ADGB: variants seen among roughly 807,000 people sequenced by gnomAD.
The protein encoded by ADGB is androglobin.
ADGB carries 172 observed loss-of-function variants against 210.5 expected under a neutral mutation model. The observed-to-expected ratio is 0.82, with a 90% CI of 0.72 to 0.93. ADGB has a LOEUF of 0.93. Among genes scored for constraint, ADGB ranks in the 40% least tolerant of loss-of-function variants. The probability of loss-of-function intolerance (pLI) is 0.00; values close to 1 mark genes in which losing one functional copy is unlikely to be tolerated. For synonymous variants in ADGB, 658 were observed against 662.7 expected (o/e 0.99, Z 0.11); for missense variants, 2,025 against 1,964.8 (o/e 1.03, Z -0.58).
At chr6:146,699,085 G>A (rs1776451096) in intron 12 of ADGB, among the ~76,000 whole-genome samples, 1 of 152,074 alleles carries the variant, frequency 6.6e-6, no homozygotes, top group African/African-American at 2.4e-5. Flanking sequence ...TTTAGTCAGG[G>A]TTCTCCAGAG....
At chr6:146,681,359 G>GCCT (rs1292566221) in intron 9 of ADGB, among the ~76,000 whole-genome samples, 1 of 151,992 alleles carries the variant, frequency 6.6e-6, no homozygotes, top group Non-Finnish European at 1.5e-5. Flanking sequence ...GCCCCCTGAG[G>GCCT]CCTCCCCAGA....
At chr6:146,709,724 G>A (rs1233141319) in intron 13 of ADGB, among the ~76,000 whole-genome samples, 1 of 152,142 alleles carries the variant, frequency 6.6e-6, no homozygotes, top group Non-Finnish European at 1.5e-5. Flanking sequence ...CCTGTGTTTA[G>A]GACCAAGGCA....
At chr6:146,638,810 T>C (rs1006784225) in intron 2 of ADGB, 6 of 150,498 alleles carry the variant, frequency 4.0e-5, no homozygotes, top group Non-Finnish European at 8.8e-5. Context: ...ATAATCTTAA[T>C]GTAACAGAAA....
At chr6:146,738,947 T>A (rs1777121940) in intron 23 of ADGB, among the ~76,000 whole-genome samples, 2 of 152,174 alleles carry the variant, frequency 1.3e-5, no homozygotes, top group Admixed American at 1.3e-4. Context: ...TCGTATCAGA[T>A]AAAAATCTGA....
rs760329401 is a variant in ADGB at position 146,803,745 on chromosome 6, C to T, written c.4818+1734C>T. On this transcript the variant is annotated intron_variant, in intron 35 of 35. Transcript: ENST00000397944. Reference sequence around the variant, plus strand: ...GTACCGGCGCCTCATGGTACCGCGGCGCCTCAGCCCAGCCTCCGCGCTGAC... The same window carrying T: ...GTACCGGCGCCTCATGGTACCGCGGTGCCTCAGCCCAGCCTCCGCGCTGAC... The T allele has an allele frequency of 7.5e-5, 59 of 784,486 alleles. 1 individual carries two copies. The highest frequency in any genetic ancestry group is 1.1e-4 in the Non-Finnish European group (52 of 484,310). 48.6% of individuals were successfully genotyped at this position (784,486 alleles called of 1,614,324 possible).
chr6:146,623,573 AT>A (rs1298503712), intron 1 of ADGB, among the ~76,000 whole-genome samples: 2 of 151,864 alleles, frequency 1.3e-5, no homozygotes, highest in Non-Finnish European at 1.5e-5. Flanking sequence ...CTCACTTATC[AT>A]TTATGAAAGT....
intron 2 of ADGB, among the ~76,000 whole-genome samples, chr6:146,642,562 G>A (rs1026621156): frequency 3.3e-5 from 5 of 151,898 alleles, no homozygotes; most frequent in Non-Finnish European, 7.4e-5. Context: ...CATGTGGTAC[G>A]TATATACTAT....
At chr6:146,638,701 A>G (rs1775463697) in intron 2 of ADGB, 1 of 151,660 alleles carries the variant, frequency 6.6e-6, no homozygotes, top group African/African-American at 2.4e-5. Flanking sequence ...ACATGTATAC[A>G]TATGTAACTA....
chr6:146,773,287 A>G (rs966199665), intron 29 of ADGB, among the ~76,000 whole-genome samples: 1 of 152,158 alleles, frequency 6.6e-6, no homozygotes, highest in Admixed American at 6.5e-5. Context: ...TAGAGAAAAA[A>G]AAAAGATCGT....
chr6:146,725,859 C>T, intron 18 of ADGB: 1 of 395,402 alleles, frequency 2.5e-6, no homozygotes, highest in East Asian at 3.8e-5. Flanking sequence ...GGTATTTAGC[C>T]TAACTATTTT....
intron 35 of ADGB, among the ~76,000 whole-genome samples, chr6:146,811,982 T>A (rs561113690): frequency 0.03 from 4,627 of 152,238 alleles, 226 homozygotes; most frequent in African/African-American, 0.11. Context: ...CCTGCTGTGT[T>A]TTTTAAACTA....
At chr6:146,658,453 A>G (rs1572902) in intron 5 of ADGB, among the ~76,000 whole-genome samples, 121,667 of 151,908 alleles carry the variant, frequency 0.8, 48,869 homozygotes, top group African/African-American at 0.86. Flanking sequence ...AAGCGAGGAG[A>G]TAAAATGCCC....
At chr6:146,661,927 A>G (rs1007984536) in intron 5 of ADGB, among the ~76,000 whole-genome samples, 1 of 152,072 alleles carries the variant, frequency 6.6e-6, no homozygotes, top group Non-Finnish European at 1.5e-5. Context: ...TTAGTGTGCC[A>G]TTAATTTTCC....
At chr6:146,618,761 T>G (rs772763202) in intron 1 of ADGB, among the ~76,000 whole-genome samples, 9 of 152,086 alleles carry the variant, frequency 5.9e-5, no homozygotes, top group African/African-American at 1.2e-4. Context: ...ACTTCTTTTG[T>G]GACCTAACAT....
At chr6:146,695,914 GT>G (rs1186827910) in intron 12 of ADGB, among the ~76,000 whole-genome samples, 2 of 151,982 alleles carry the variant, frequency 1.3e-5, no homozygotes, top group Non-Finnish European at 2.9e-5. Context: ...CCAGTTGAAT[GT>G]AATTGTCCTA....
At chr6:146,721,794 C>T (rs568564802) in intron 17 of ADGB, among the ~76,000 whole-genome samples, 3 of 152,174 alleles carry the variant, frequency 2.0e-5, no homozygotes, top group East Asian at 1.9e-4. Flanking sequence ...GCCGAGATCG[C>T]GCCATTGCAC....
In ADGB at chr6:146,738,438, C is replaced by CTTTTTTTTTTT. The variant is rs71031008; in HGVS notation, c.2888+1867_2888+1877dup. 3.6e-4 allele frequency among the ~76,000 whole-genome samples: 26 copies of CTTTTTTTTTTT among 71,392 alleles called. 1 individual carries two copies. Among genetic ancestry groups the CTTTTTTTTTTT allele is most frequent in the African/African-American group, 1.1e-3 (22 of 20,384 alleles). 46.8% of individuals were successfully genotyped at this position (71,392 alleles called of 152,430 possible). ...GAATCCCATTCGAATCCCATTTCAT[C>CTTTTTTTTTTT]TTTTTTTTTTTTTTTTTTTTTTTTT... On this transcript the variant is annotated intron_variant, in intron 23 of 35. Coordinates refer to ENST00000397944, the MANE Select transcript of ADGB (RefSeq NM_024694.4).
chr6:146,729,768 T>C (rs1391551672), intron 20 of ADGB, among the ~76,000 whole-genome samples: 1 of 152,204 alleles, frequency 6.6e-6, no homozygotes, highest in Non-Finnish European at 1.5e-5. Context: ...TTATTACTAA[T>C]TTAATATTAC....
chr6:146,766,320 C>T (rs1777572616), intron 28 of ADGB, among the ~76,000 whole-genome samples: 1 of 151,792 alleles, frequency 6.6e-6, no homozygotes, highest in South Asian at 2.1e-4. Context: ...CCAGCTACTT[C>T]AGAGGCTGAG....
Sources: allele counts gnomAD v4.1 joint callset (sites outside exome capture counted in the v4.1 genomes callset), GRCh38; gene constraint gnomAD v4.1.1; transcripts MANE v1.5; gene names NCBI Gene and HGNC (gene_info 2026-07-23, HGNC 2026-07-21).